The following IFT88 variants were observed in gnomAD, a reference collection of about 807,000 sequenced individuals.
IFT88 encodes intraflagellar transport protein 88 homolog.
Under a neutral mutation model 119.5 loss-of-function variants are expected in IFT88, and 74 were observed. The ratio of observed to expected loss-of-function variants is 0.62; its 90% CI spans 0.51 to 0.75. The LOEUF (loss-of-function observed/expected upper bound fraction) is 0.75. Ranked by LOEUF, IFT88 falls within the 30% of genes least tolerant of loss-of-function variation. The pLI, the probability that IFT88 is intolerant of heterozygous loss-of-function variation, is 0.00. For synonymous variants in IFT88, 279 were observed against 316.7 expected, an observed-to-expected ratio of 0.88 and a Z score of 1.26; for missense variants, 961 against 977.7, an observed-to-expected ratio of 0.98 and a Z score of 0.23.
At chr13:20,614,412 G>A (rs974417764) in intron 13 of IFT88, 3 of 152,072 alleles carry the variant, frequency 2.0e-5, no homozygotes, top group Non-Finnish European at 2.9e-5. Flanking sequence ...ATTGATATAC[G>A]CAACAAATTG....
chr13:20,607,261 G>A (rs182601133), intron 13 of IFT88: 6 of 406,904 alleles, frequency 1.5e-5, no homozygotes, highest in East Asian at 6.9e-5. Context: ...TGCTGCTGCC[G>A]CAGCACTTCT....
At chr13:20,603,060 C>T (rs891436915) in intron 12 of IFT88, among the ~76,000 whole-genome samples, 8 of 152,122 alleles carry the variant, frequency 5.3e-5, no homozygotes, top group African/African-American at 1.9e-4. Context: ...CAATATAAAA[C>T]AGTAGTTTCT....
intron 2 of IFT88, among the ~76,000 whole-genome samples, chr13:20,574,938 A>G: frequency 6.6e-6 from 1 of 152,198 alleles, no homozygotes; most frequent in East Asian, 1.9e-4. Flanking sequence ...TGTTACATCA[A>G]GCATTTATCC....
intron 14 of IFT88, among the ~76,000 whole-genome samples, chr13:20,624,672 A>T (rs951097553): frequency 6.6e-5 from 10 of 152,142 alleles, no homozygotes; most frequent in Admixed American, 2.6e-4. Context: ...TCTCTCTCTC[A>T]CACACAACAC....
At chr13:20,596,087 A>AAATAC (rs1412633633) in intron 7 of IFT88, 63 bp from the exon 8 acceptor site, 1 of 478,642 alleles carries the variant, frequency 2.1e-6, no homozygotes, top group South Asian at 5.3e-5. Context: ...AAATAAAATA[A>AAATAC]ATTTTAGTAT....
At chr13:20,574,825 A>G (rs961926582) in intron 2 of IFT88, among the ~76,000 whole-genome samples, 8 of 152,106 alleles carry the variant, frequency 5.3e-5, no homozygotes, top group Non-Finnish European at 8.8e-5. Flanking sequence ...TTTGGTTTTA[A>G]TTTTTGTGAG....
chr13:20,632,936 A>G (rs2048421159), intron 16 of IFT88, among the ~76,000 whole-genome samples: 1 of 152,148 alleles, frequency 6.6e-6, no homozygotes, highest in Non-Finnish European at 1.5e-5. Context: ...TGCTGTTGCT[A>G]GTGGAAAGGT....
intron 20 of IFT88, among the ~76,000 whole-genome samples, chr13:20,649,214 C>T (rs2051202768): frequency 6.6e-6 from 1 of 152,164 alleles, no homozygotes; most frequent in Non-Finnish European, 1.5e-5. Flanking sequence ...GGAGATTGTA[C>T]ATTCTTAAGT....
chr13:20,633,269 TATAATC>T (rs1410679169), intron 16 of IFT88, among the ~76,000 whole-genome samples: 1 of 152,068 alleles, frequency 6.6e-6, no homozygotes, highest in Non-Finnish European at 1.5e-5. Flanking sequence ...TCAGGAAACT[TATAATC>T]ATAGCAGAAG....
chr13:20,603,317 G>A (rs559411520), intron 12 of IFT88, among the ~76,000 whole-genome samples: 1 of 151,328 alleles, frequency 6.6e-6, no homozygotes, highest in South Asian at 2.1e-4. Context: ...GAACCCGGAA[G>A]GTGGAGGTTG....
rs1476873767 is a variant in IFT88, at chr13:20,670,998, G to A, written c.2201G>A (p.Ser734Asn). 6 of 1,614,024 alleles carry A rather than the reference G, an allele frequency of 3.7e-6. No individual in the cohort carries two copies. Among genetic ancestry groups the A allele is most frequent in the Non-Finnish European group, 5.1e-6 (6 of 1,179,938 alleles). Reference sequence around the variant, plus strand: ...CGCATAAAGTCAGGCAGAGATGGCAGTGGGGGCTCCCGTGGCAAAAGAGAA... The same window carrying A: ...CGCATAAAGTCAGGCAGAGATGGCAATGGGGGCTCCCGTGGCAAAAGAGAA... Reference protein sequence around the residue: ...EQRIKSGRDGSGGSRGKREGS... With the variant: ...EQRIKSGRDGNGGSRGKREGS... The change falls in exon 24 of 26, where the codon AGT becomes AAT. Residue 734 changes from serine (S) to asparagine (N), a missense_variant. Transcript: ENST00000351808.
chr13:20,681,130 T>A (rs1188400757), intron 24 of IFT88, among the ~76,000 whole-genome samples: 1 of 152,212 alleles, frequency 6.6e-6, no homozygotes, highest in South Asian at 2.1e-4. Context: ...GCCAGTAATG[T>A]GTTTAATATT....
chr13:20,618,671 A>G (rs891404312), intron 14 of IFT88, among the ~76,000 whole-genome samples: 4 of 152,160 alleles, frequency 2.6e-5, no homozygotes, highest in Non-Finnish European at 5.9e-5. Flanking sequence ...TAGAACATCT[A>G]TATTTTTTTA....
At chr13:20,619,315 A>G (rs568553122) in intron 14 of IFT88, among the ~76,000 whole-genome samples, 15 of 152,312 alleles carry the variant, frequency 9.8e-5, no homozygotes, top group African/African-American at 2.2e-4. Context: ...CAAAATGCCA[A>G]TCCTAATCAC....
chr13:20,616,850 C>T (rs2045701786), intron 14 of IFT88, among the ~76,000 whole-genome samples: 1 of 152,182 alleles, frequency 6.6e-6, no homozygotes, highest in Non-Finnish European at 1.5e-5. Flanking sequence ...TAGGATGTCA[C>T]TTGGCAATAG....
intron 24 of IFT88, among the ~76,000 whole-genome samples, chr13:20,688,326 A>G (rs990178604): frequency 1.3e-5 from 2 of 152,192 alleles, no homozygotes; most frequent in Non-Finnish European, 2.9e-5. Flanking sequence ...CAGCTTGGGC[A>G]ACAAGAGCGA....
At chr13:20,615,505 C>T (rs2045460670) in intron 13 of IFT88, among the ~76,000 whole-genome samples, 1 of 152,146 alleles carries the variant, frequency 6.6e-6, no homozygotes. Context: ...GCTGCAGGGC[C>T]TTGTGTTTCT....
chr13:20,578,706 C>T (rs1256976410), intron 2 of IFT88, among the ~76,000 whole-genome samples: 21 of 152,104 alleles, frequency 1.4e-4, no homozygotes, highest in Non-Finnish European at 2.8e-4. Flanking sequence ...TGTGCCACCA[C>T]GCCCGGCTAA....
In IFT88 at chr13:20,625,683, A is replaced by G. The variant is rs550182487; in HGVS notation, c.1200-67A>G. The stretch of plus-strand genomic sequence containing the variant: ...AAAAAATCTTTGAAAAGCCACATTT[A>G]AGAAAACCAACAGCATCAATATACT... On this transcript the variant is annotated intron_variant, in intron 14 of 25. Transcript: ENST00000351808. 5 of 1,100,160 alleles carry G rather than the reference A, an allele frequency of 4.5e-6. No homozygotes were observed. In the African/African-American group the frequency reaches 6.4e-5, roughly 14 times the overall value. The allele number at this position is 1,100,160 out of a possible 1,614,324, so 68.1% of individuals were successfully genotyped here. A position where few individuals can be genotyped will look rare whatever the true frequency, so the allele number is the denominator to read the frequency against.
Sources: allele counts gnomAD v4.1 joint callset (sites outside exome capture counted in the v4.1 genomes callset), GRCh38; gene constraint gnomAD v4.1.1; transcripts MANE v1.5; gene names NCBI Gene and HGNC (gene_info 2026-07-23, HGNC 2026-07-21).